The following FRMD4A variants were observed in gnomAD, a reference collection of about 807,000 sequenced individuals.
FRMD4A encodes the protein FERM domain containing 4A.
FRMD4A carries 29 observed loss-of-function variants against 129.1 expected under a neutral mutation model. The ratio of observed to expected loss-of-function variants is 0.22; its 90% CI spans 0.17 to 0.31. The LOEUF is 0.31. Among genes scored for constraint, FRMD4A ranks in the 10% least tolerant of loss-of-function variants. FRMD4A has a pLI of 1.00. For missense variants in FRMD4A, 1,272 were observed against 1,375.8 expected, an observed-to-expected ratio of 0.92 and a Z score of 1.19; for synonymous variants, 634 against 571.6, an observed-to-expected ratio of 1.11 and a Z score of -1.56.
At chr10:13,672,816 T>G (rs1367935292) in intron 16 of FRMD4A, among the ~76,000 whole-genome samples, 2 of 151,942 alleles carry the variant, frequency 1.3e-5, no homozygotes, top group African/African-American at 4.8e-5. Flanking sequence ...TAGCAAGACC[T>G]CCCCCCAGCC....
chr10:14,222,870 C>G (rs921426043), intron 2 of FRMD4A, among the ~76,000 whole-genome samples: 1 of 152,126 alleles, frequency 6.6e-6, no homozygotes, highest in Non-Finnish European at 1.5e-5. Context: ...GGCAGATCAC[C>G]TGAGCTCAGG....
intron 2 of FRMD4A, chr10:13,991,797 C>T (rs891228436): frequency 8.5e-5 from 13 of 152,456 alleles, no homozygotes; most frequent in African/African-American, 2.9e-4. Flanking sequence ...GGATTCCATG[C>T]TGCTTGGCAA....
intron 5 of FRMD4A, among the ~76,000 whole-genome samples, chr10:13,790,464 G>A (rs1398447149): frequency 9.9e-5 from 15 of 152,178 alleles, no homozygotes; most frequent in Non-Finnish European, 5.9e-5. Context: ...GAGAAGACAA[G>A]CAAGACACGA....
intron 2 of FRMD4A, among the ~76,000 whole-genome samples, chr10:14,237,082 T>C (rs1021853706): frequency 1.3e-5 from 2 of 151,540 alleles, no homozygotes; most frequent in African/African-American, 4.9e-5. Flanking sequence ...TATGCTGCCC[T>C]TGCTGGTCTT....
At chr10:14,231,934 A>G (rs1273016086) in intron 2 of FRMD4A, among the ~76,000 whole-genome samples, 1 of 152,136 alleles carries the variant, frequency 6.6e-6, no homozygotes, top group Non-Finnish European at 1.5e-5. Context: ...CTTCAGTTTA[A>G]TCAGGTCCCA....
chr10:13,873,080 G>C (rs1303739639), intron 2 of FRMD4A, among the ~76,000 whole-genome samples: 1 of 151,726 alleles, frequency 6.6e-6, no homozygotes, highest in Non-Finnish European at 1.5e-5. Flanking sequence ...GGAGGCTGAG[G>C]CAGAAGAATC....
intron 14 of FRMD4A, among the ~76,000 whole-genome samples, chr10:13,700,434 ACT>A (rs1466376646): frequency 1.3e-5 from 2 of 152,094 alleles, no homozygotes; most frequent in African/African-American, 4.8e-5. Context: ...TCTCCCAAGA[ACT>A]CACGCGATGG....
intron 2 of FRMD4A, among the ~76,000 whole-genome samples, chr10:13,999,346 T>C (rs2095633764): frequency 6.6e-6 from 1 of 152,236 alleles, no homozygotes; most frequent in African/African-American, 2.4e-5. Flanking sequence ...GTAGTCGATG[T>C]TAAATAAATA....
At chr10:14,203,947 C>A (rs1241669614) in intron 2 of FRMD4A, among the ~76,000 whole-genome samples, 2 of 152,182 alleles carry the variant, frequency 1.3e-5, no homozygotes, top group Non-Finnish European at 1.5e-5. Context: ...CCACAGTTCC[C>A]AACAGATTGT....
At chr10:13,753,380 G>A (rs529185705) in intron 8 of FRMD4A, among the ~76,000 whole-genome samples, 5 of 152,228 alleles carry the variant, frequency 3.3e-5, no homozygotes, top group South Asian at 2.1e-4. Flanking sequence ...GCCATAGTGT[G>A]TGACCATTCA....
intron 2 of FRMD4A, among the ~76,000 whole-genome samples, chr10:14,098,006 T>C (rs55880838): frequency 4.3e-4 from 44 of 101,956 alleles, no homozygotes; most frequent in Non-Finnish European, 6.5e-4. Context: ...AGATTATATA[T>C]AAATTATATA....
At position 14,148,797 on chromosome 10, in the gene FRMD4A, T is replaced by C. The variant is rs925712858; in HGVS notation, c.45+181261A>G. Among the ~76,000 whole-genome samples the C allele has an allele frequency of 2.6e-5, 4 of 151,394 alleles. No homozygotes were observed. The East Asian group carries it at 7.7e-4, about 29-fold the overall frequency. On this transcript the variant is annotated intron_variant, in intron 2 of 24. Coordinates refer to ENST00000357447, the MANE Select transcript of FRMD4A (RefSeq NM_018027.5). ...AAAAGAAAAGAAACAATGAGAATAATCTCCTCCACCCTGTTTCCAGGAGGA... is the reference window on the plus strand; with the variant it reads ...AAAAGAAAAGAAACAATGAGAATAACCTCCTCCACCCTGTTTCCAGGAGGA...
intron 2 of FRMD4A, among the ~76,000 whole-genome samples, chr10:13,883,424 G>A (rs78380528): frequency 0.081 from 12,377 of 152,124 alleles, 926 homozygotes; most frequent in East Asian, 0.37. Context: ...CCTGGGAGGC[G>A]GAGGTTGTGG....
chr10:14,240,960 A>T (rs1421496676), intron 2 of FRMD4A, among the ~76,000 whole-genome samples: 1 of 151,818 alleles, frequency 6.6e-6, no homozygotes, highest in Non-Finnish European at 1.5e-5. Flanking sequence ...CAGATGCATC[A>T]GCAGAACCAG....
intron 2 of FRMD4A, among the ~76,000 whole-genome samples, chr10:14,277,081 T>C (rs988722981): frequency 6.6e-6 from 1 of 152,132 alleles, no homozygotes; most frequent in Non-Finnish European, 1.5e-5. Flanking sequence ...CCCAGGCTGG[T>C]CTTGAACTCC....
intron 2 of FRMD4A, among the ~76,000 whole-genome samples, chr10:14,256,446 T>C (rs1218371): frequency 0.013 from 2,005 of 152,252 alleles, 49 homozygotes; most frequent in African/African-American, 0.045. Context: ...TTAAAACCCA[T>C]CTTGAAGAAT....
At chr10:14,285,416 A>G (rs1002159973) in intron 2 of FRMD4A, among the ~76,000 whole-genome samples, 24 of 152,226 alleles carry the variant, frequency 1.6e-4, no homozygotes, top group Non-Finnish European at 3.1e-4. Flanking sequence ...GCACCACTGG[A>G]GGCATTGGGG....
At chr10:13,904,819 C>T (rs551929061) in intron 2 of FRMD4A, among the ~76,000 whole-genome samples, 1 of 151,844 alleles carries the variant, frequency 6.6e-6, no homozygotes, top group African/African-American at 2.4e-5. Context: ...GTGGCGAAAC[C>T]CTGTCTCTAC....
At chr10:14,080,410 G>A (rs879355019) in intron 2 of FRMD4A, among the ~76,000 whole-genome samples, 14 of 152,096 alleles carry the variant, frequency 9.2e-5, no homozygotes, top group Non-Finnish European at 1.8e-4. Context: ...GGTTAATGTA[G>A]GAAGGGAGCC....
Sources: allele counts gnomAD v4.1 joint callset (sites outside exome capture counted in the v4.1 genomes callset), GRCh38; gene constraint gnomAD v4.1.1; transcripts MANE v1.5; gene names NCBI Gene and HGNC (gene_info 2026-07-23, HGNC 2026-07-21).